NSMAF: variants seen among roughly 807,000 people sequenced by gnomAD.
NSMAF encodes the protein protein FAN.
NSMAF carries 90 observed loss-of-function variants against 134.9 expected under a neutral mutation model. The observed-to-expected ratio is 0.67, with a 90% CI of 0.56 to 0.79. The LOEUF (loss-of-function observed/expected upper bound fraction) is 0.79, where lower values mean the gene tolerates loss of function less well. Among genes scored for constraint, NSMAF ranks in the 30% least tolerant of loss-of-function variants. NSMAF has a pLI of 0.00. For missense variants in NSMAF, 1,010 were observed against 1,119.0 expected, an observed-to-expected ratio of 0.90 and a Z score of 1.39; for synonymous variants, 358 against 389.6, an observed-to-expected ratio of 0.92 and a Z score of 0.96.
intron 22 of NSMAF, 99 bp downstream of exon 22, chr8:58,595,461 T>A (rs1806116031): frequency 2.6e-6 from 2 of 781,026 alleles, no homozygotes; most frequent in Non-Finnish European, 4.4e-6. Flanking sequence ...TGAAAGGGAA[T>A]TTTCCCTCTG....
chr8:58,603,140 T>C lies in NSMAF; in HGVS notation c.1045+70A>G. 2.9e-6 allele frequency: 4 copies of C among 1,396,814 alleles called. 1 individual carries two copies. In the South Asian group the frequency reaches 4.9e-5, roughly 17 times the overall value. The allele number at this position is 1,396,814 out of a possible 1,614,324, so 86.5% of individuals were successfully genotyped here. ...CACAATTATAAAATAGAATTTATTC[T>C]GTCCTTTAAAAACAATACAGATGAC... On this transcript the variant is annotated intron_variant, in intron 13 of 30. Transcript: ENST00000038176.
chr8:58,643,329 A>C (rs1407953047), intron 1 of NSMAF, among the ~76,000 whole-genome samples: 1 of 152,190 alleles, frequency 6.6e-6, no homozygotes, highest in Non-Finnish European at 1.5e-5. Flanking sequence ...CTTTTACAGA[A>C]ACCCTGAATT....
At chr8:58,651,214 T>A (rs1333520550) in intron 1 of NSMAF, among the ~76,000 whole-genome samples, 1 of 152,212 alleles carries the variant, frequency 6.6e-6, no homozygotes, top group Non-Finnish European at 1.5e-5. Flanking sequence ...AAGACCTGGC[T>A]CATTTTATTA....
At chr8:58,585,521 G>T in intron 30 of NSMAF, 131 bp downstream of exon 30, 1 of 650,406 alleles carries the variant, frequency 1.5e-6, no homozygotes, top group Non-Finnish European at 2.7e-6. Flanking sequence ...AGAGGCTCCA[G>T]GGACATGTTT....
chr8:58,631,519 C>G lies in NSMAF; in HGVS notation c.361G>C (p.Val121Leu). 1 of 1,510,472 alleles carries G rather than the reference C, an allele frequency of 6.6e-7. No homozygotes were observed. The highest frequency in any genetic ancestry group is 9.0e-7 in the Non-Finnish European group (1 of 1,113,356). The allele number at this position is 1,510,472 out of a possible 1,614,324, so 93.6% of individuals were successfully genotyped here. A position where few individuals can be genotyped will look rare whatever the true frequency, so the allele number is the denominator to read the frequency against. The change falls in exon 6 of 31, where the codon GTT becomes CTT. Residue 121 changes from valine to leucine, a missense_variant. Physicochemically the swap from Val to Leu is conservative, Grantham distance 32. Coordinates refer to ENST00000038176, the MANE Select transcript of NSMAF (RefSeq NM_003580.4). ...ACCCTTTCTATTTTATATGGTGCAA[C>G]AACATTATGTTCTTTAATGAAATAT... ...QVYFIKEHNV[V>L]APYKIERGKM...
intron 12 of NSMAF, among the ~76,000 whole-genome samples, chr8:58,604,852 T>G (rs1396793160): frequency 1.3e-5 from 2 of 152,104 alleles, no homozygotes; most frequent in East Asian, 3.9e-4. Flanking sequence ...CAAGCGATCC[T>G]CCCACTTCAG....
chr8:58,623,527 G>A, intron 7 of NSMAF, 103 bp from the exon 8 acceptor site: 2 of 1,204,252 alleles, frequency 1.7e-6, no homozygotes, highest in Non-Finnish European at 2.4e-6. Context: ...TAACAGTCAA[G>A]ATTACTTCTG....
intron 18 of NSMAF, 105 bp downstream of exon 18, chr8:58,599,644 AG>A: frequency 7.8e-7 from 1 of 1,281,180 alleles, no homozygotes. Flanking sequence ...CCTTATTTAG[AG>A]AATTATATTG....
chr8:58,614,431 G>T (rs1806608259), intron 9 of NSMAF, among the ~76,000 whole-genome samples: 1 of 152,178 alleles, frequency 6.6e-6, no homozygotes, highest in Non-Finnish European at 1.5e-5. Flanking sequence ...CTCTGAGCAG[G>T]CCTGAGTTAC....
At position 58,623,253 on chromosome 8, in the gene NSMAF, G is replaced by C. The variant is rs1244357396; in HGVS notation, c.524C>G (p.Ser175Cys). The change falls in exon 9 of 31, where the codon TCT (serine) becomes TGT (cysteine). Residue 175 changes from serine to cysteine, a missense_variant. Coordinates refer to ENST00000038176, the MANE Select transcript of NSMAF (RefSeq NM_003580.4). The stretch of plus-strand genomic sequence containing the variant: ...GTCAAATGATGTTCTAGCTAAACGA[G>C]ACTGCAAAATAGCTGTTATCTATTA... ...QTAMITAILQ[S>C]RLARTSFDKN... 1 of 1,610,310 alleles carries C rather than the reference G, an allele frequency of 6.2e-7. No individual in the cohort carries two copies. The highest frequency in any genetic ancestry group is 1.3e-5 in the African/African-American group (1 of 74,774).
chr8:58,608,593 A>G (rs1806459240), intron 10 of NSMAF, among the ~76,000 whole-genome samples: 1 of 152,184 alleles, frequency 6.6e-6, no homozygotes. Context: ...GTAAAGGCCC[A>G]TACCATGGAT....
chr8:58,585,877 C>G, intron 29 of NSMAF, 21 bp downstream of exon 29: 1 of 1,604,716 alleles, frequency 6.2e-7, no homozygotes, highest in Non-Finnish European at 8.5e-7. Context: ...GTCTTCGCCC[C>G]CAGTAACTCA....
intron 9 of NSMAF, among the ~76,000 whole-genome samples, chr8:58,610,132 A>G (rs1003926184): frequency 2.0e-5 from 3 of 152,162 alleles, no homozygotes; most frequent in Admixed American, 1.3e-4. Flanking sequence ...TTCACACTAC[A>G]CTTTATAAGG....
At chr8:58,612,920 A>G (rs1430121292) in intron 9 of NSMAF, among the ~76,000 whole-genome samples, 1 of 152,196 alleles carries the variant, frequency 6.6e-6, no homozygotes, top group Non-Finnish European at 1.5e-5. Context: ...GAAACAATGG[A>G]ATGACAATCT....
At position 58,601,449 on chromosome 8, in the gene NSMAF, C is replaced by T. The variant is rs144634636; in HGVS notation, c.1212G>A (p.Arg404=). 1.2e-4 allele frequency: 199 copies of T among 1,612,540 alleles called. 1 individual carries two copies. Among genetic ancestry groups the T allele is most frequent in the Middle Eastern group, 8.3e-4 (5 of 6,054 alleles). ...GGTAATGATAAAGAATCTTACCAAT[C>T]CTAACAAGATAAAAAAGTACATAAC... ...SPGYVLFYLV[R]IAPEYMLCLQ... Residue 404 remains arginine, a synonymous_variant, in exon 15 of 31, where the codon AGG becomes AGA. Coordinates refer to ENST00000038176, the MANE Select transcript of NSMAF (RefSeq NM_003580.4).
chr8:58,589,459 G>A lies in NSMAF; in HGVS notation c.2204C>T (p.Thr735Ile), dbSNP rs374919749. The A allele has an allele frequency of 2.7e-6, 4 of 1,508,566 alleles. No homozygotes were observed. In the Admixed American group the frequency reaches 7.8e-5, roughly 29 times the overall value. The allele number at this position is 1,508,566 out of a possible 1,614,324, so 93.4% of individuals were successfully genotyped here. A position where few individuals can be genotyped will look rare whatever the true frequency, so the allele number is the denominator to read the frequency against. ...TTTAAATTATATATGAACCTTCACT[G>A]TAGAGTCCCACGATGCAGAATATAG... ...NRLYSASWDS[T>I]VKVWSGVPAE... Residue 735 changes from threonine (T) to isoleucine (I), a missense_variant, in exon 26 of 31, where the codon ACA becomes ATA. Thr to Ile is a moderately conservative substitution (Grantham distance 89). Transcript: ENST00000038176.
At chr8:58,648,312 A>T (rs1807508130) in intron 1 of NSMAF, among the ~76,000 whole-genome samples, 1 of 152,190 alleles carries the variant, frequency 6.6e-6, no homozygotes, top group Non-Finnish European at 1.5e-5. Flanking sequence ...GGAACAAATA[A>T]ATGACTTAAA....
At chr8:58,658,075 G>A (rs944803751) in intron 1 of NSMAF, among the ~76,000 whole-genome samples, 1 of 152,074 alleles carries the variant, frequency 6.6e-6, no homozygotes, top group Admixed American at 6.5e-5. Flanking sequence ...ATGAGTATTG[G>A]CACGAATGAC....
chr8:58,644,412 G>A (rs1041902837), intron 1 of NSMAF, among the ~76,000 whole-genome samples: 1 of 152,168 alleles, frequency 6.6e-6, no homozygotes, highest in African/African-American at 2.4e-5. Flanking sequence ...GCACCACTCA[G>A]GAGAAAACCA....
Sources: allele counts gnomAD v4.1 joint callset (sites outside exome capture counted in the v4.1 genomes callset), GRCh38; gene constraint gnomAD v4.1.1; transcripts MANE v1.5; gene names NCBI Gene and HGNC (gene_info 2026-07-23, HGNC 2026-07-21).